The following CNTN5 variants were observed in gnomAD, a reference collection of about 807,000 sequenced individuals.
CNTN5 encodes the protein contactin 5, also known as contactin-5.
In CNTN5, 77 loss-of-function variants were observed where a neutral mutation model predicts 129.1. The observed-to-expected ratio is 0.60, with a 90% CI of 0.50 to 0.72. The LOEUF (loss-of-function observed/expected upper bound fraction) is 0.72, where lower values mean the gene tolerates loss of function less well. Ranked by LOEUF, CNTN5 falls within the 30% of genes least tolerant of loss-of-function variation. The probability of loss-of-function intolerance (pLI) is 0.00; values close to 1 mark genes in which losing one functional copy is unlikely to be tolerated. For synonymous variants in CNTN5, 509 were observed against 465.6 expected (o/e 1.09, Z -1.20); for missense variants, 1,478 against 1,328.8 (o/e 1.11, Z -1.75).
intron 9 of CNTN5, among the ~76,000 whole-genome samples, chr11:100,053,654 A>T (rs1943076929): frequency 6.6e-6 from 1 of 151,738 alleles, no homozygotes; most frequent in Non-Finnish European, 1.5e-5. Flanking sequence ...CAATGGAAAA[A>T]TAGTCTGGTA....
At chr11:99,994,831 A>G (rs1327786331) in intron 8 of CNTN5, among the ~76,000 whole-genome samples, 3 of 152,168 alleles carry the variant, frequency 2.0e-5, no homozygotes, top group Non-Finnish European at 4.4e-5. Flanking sequence ...CATTCGGCTG[A>G]GTTTATAGGT....
chr11:99,422,914 A>G (rs527753536), intron 2 of CNTN5, among the ~76,000 whole-genome samples: 15 of 152,162 alleles, frequency 9.9e-5, no homozygotes, highest in Non-Finnish European at 2.1e-4. Context: ...TTGGGGAAAT[A>G]TAATTAAAAA....
chr11:99,479,410 G>T (rs956915490), intron 2 of CNTN5, among the ~76,000 whole-genome samples: 6 of 151,684 alleles, frequency 4.0e-5, no homozygotes, highest in Non-Finnish European at 7.4e-5. Flanking sequence ...CCTTTGACTG[G>T]TTTTACTTAA....
At chr11:99,233,026 G>C (rs140003847) in intron 1 of CNTN5, among the ~76,000 whole-genome samples, 160 of 152,258 alleles carry the variant, frequency 1.1e-3, no homozygotes, top group African/African-American at 3.8e-3. Flanking sequence ...GCCGAGGAGA[G>C]GTTAGTAGAA....
chr11:99,144,185 G>T (rs919273793), intron 1 of CNTN5, among the ~76,000 whole-genome samples: 3 of 151,944 alleles, frequency 2.0e-5, no homozygotes, highest in African/African-American at 4.8e-5. Context: ...TTTAAAAACT[G>T]GCCATCATTT....
intron 6 of CNTN5, among the ~76,000 whole-genome samples, chr11:99,864,296 C>T (rs975671328): frequency 9.2e-6 from 1 of 108,674 alleles, no homozygotes; most frequent in Non-Finnish European, 2.2e-5. Context: ...GTAATACTAA[C>T]AGTAATACTA....
intron 3 of CNTN5, among the ~76,000 whole-genome samples, chr11:99,756,906 A>G (rs1015721129): frequency 7.4e-6 from 1 of 134,422 alleles, no homozygotes; most frequent in African/African-American, 2.7e-5. Flanking sequence ...ATAGAAAACA[A>G]TAGAGGGTTT....
chr11:100,058,334 G>A (rs1943321031), intron 9 of CNTN5, among the ~76,000 whole-genome samples: 1 of 152,024 alleles, frequency 6.6e-6, no homozygotes, highest in Non-Finnish European at 1.5e-5. Flanking sequence ...AGTTGATACA[G>A]AATACAGAAA....
At chr11:99,397,337 A>G (rs563762059) in intron 2 of CNTN5, among the ~76,000 whole-genome samples, 2 of 151,874 alleles carry the variant, frequency 1.3e-5, no homozygotes, top group Non-Finnish European at 3.0e-5. Context: ...ATCAACTGGC[A>G]GAGATTTTTC....
chr11:100,158,561 C>A (rs1218386965), intron 13 of CNTN5, among the ~76,000 whole-genome samples: 1 of 151,716 alleles, frequency 6.6e-6, no homozygotes, highest in African/African-American at 2.4e-5. Flanking sequence ...CCAAGCTTTC[C>A]ATAAACAAGA....
chr11:100,238,829 T>C (rs1591426097), intron 16 of CNTN5, among the ~76,000 whole-genome samples: 1 of 152,212 alleles, frequency 6.6e-6, no homozygotes, highest in East Asian at 1.9e-4. Flanking sequence ...GCTCATTATC[T>C]ATTGACAGAA....
intron 1 of CNTN5, among the ~76,000 whole-genome samples, chr11:99,030,928 T>C (rs1181681520): frequency 1.3e-5 from 2 of 151,972 alleles, no homozygotes; most frequent in Non-Finnish European, 2.9e-5. Flanking sequence ...CTGGAGGCGC[T>C]CGCCACCACG....
intron 3 of CNTN5, among the ~76,000 whole-genome samples, chr11:99,795,588 CT>C (rs35521565): frequency 1.8e-3 from 257 of 143,058 alleles, no homozygotes; most frequent in Middle Eastern, 3.7e-3. Context: ...TCCTTTAGAT[CT>C]TTTTTTTTTT....
intron 3 of CNTN5, among the ~76,000 whole-genome samples, chr11:99,677,391 GTAAC>G (rs1953336750): frequency 6.6e-6 from 1 of 152,116 alleles, no homozygotes; most frequent in South Asian, 2.1e-4. Flanking sequence ...GGACAAGAAT[GTAAC>G]TAACAATGGA....
intron 8 of CNTN5, among the ~76,000 whole-genome samples, chr11:99,990,451 T>C (rs940895504): frequency 0.033 from 3,265 of 99,358 alleles, 116 homozygotes; most frequent in African/African-American, 0.12. Flanking sequence ...AGAATATATA[T>C]ATATACACAC....
intron 1 of CNTN5, among the ~76,000 whole-genome samples, chr11:99,239,266 A>G (rs1861424817): frequency 6.6e-6 from 1 of 152,168 alleles, no homozygotes; most frequent in African/African-American, 2.4e-5. Context: ...TTAAATTGAG[A>G]TTTAGCCAAG....
At position 100,101,657 on chromosome 11, in the gene CNTN5, C is replaced by T. The variant is rs182959562; in HGVS notation, c.1580+27363C>T. On this transcript the variant is annotated intron_variant, in intron 13 of 24. Coordinates refer to ENST00000524871, the MANE Select transcript of CNTN5 (RefSeq NM_014361.4). ...GGATAATTTCTTTAGTGGTGATTTC[C>T]GAGATTTTGGTGCACCTGTCACCAG... is the stretch of plus-strand genomic sequence containing the variant. Among the ~76,000 whole-genome samples, 286 of 151,742 alleles carry T rather than the reference C, an allele frequency of 1.9e-3. 1 individual carries two copies. Among genetic ancestry groups the T allele is most frequent in the African/African-American group, 6.5e-3 (270 of 41,356 alleles).
chr11:99,166,912 T>A (rs1418538915), intron 1 of CNTN5, among the ~76,000 whole-genome samples: 1 of 152,176 alleles, frequency 6.6e-6, no homozygotes, highest in African/African-American at 2.4e-5. Context: ...TTAATGATTT[T>A]AAAATGTTGC....
chr11:99,112,673 G>T (rs1857854194), intron 1 of CNTN5, among the ~76,000 whole-genome samples: 1 of 151,654 alleles, frequency 6.6e-6, no homozygotes, highest in East Asian at 1.9e-4. Flanking sequence ...TGCCCTTCAG[G>T]GATCTAAACC....
Sources: allele counts gnomAD v4.1 joint callset (sites outside exome capture counted in the v4.1 genomes callset), GRCh38; gene constraint gnomAD v4.1.1; transcripts MANE v1.5; gene names NCBI Gene and HGNC (gene_info 2026-07-23, HGNC 2026-07-21).